Variants in TRPC4AP observed in about 807,000 individuals in gnomAD.
TRPC4AP encodes the protein transient receptor potential cation channel subfamily C member 4 associated protein.
TRPC4AP carries 45 observed loss-of-function variants against 99.0 expected under a neutral mutation model. That is an observed-to-expected ratio of 0.45 (90% CI 0.36 to 0.58). The LOEUF (loss-of-function observed/expected upper bound fraction) is 0.58, where lower values mean the gene tolerates loss of function less well. Among genes scored for constraint, TRPC4AP ranks in the 20% least tolerant of loss-of-function variants. TRPC4AP has a pLI of 0.00. For synonymous variants in TRPC4AP, 408 were observed against 385.8 expected, an observed-to-expected ratio of 1.06 and a Z score of -0.67; for missense variants, 879 against 985.3, an observed-to-expected ratio of 0.89 and a Z score of 1.44.
intron 8 of TRPC4AP, among the ~76,000 whole-genome samples, chr20:35,023,470 GC>G (rs2082942697): frequency 6.6e-6 from 1 of 152,122 alleles, no homozygotes; most frequent in African/African-American, 2.4e-5. Context: ...TCATCTCCAA[GC>G]TTTTAATGGG....
chr20:35,061,628 A>G (rs375644375), intron 3 of TRPC4AP, among the ~76,000 whole-genome samples: 7 of 152,322 alleles, frequency 4.6e-5, no homozygotes, highest in East Asian at 3.9e-4. Context: ...AGTTTTTTCA[A>G]TAAGTGGTGC....
At chr20:35,081,801 C>T (rs2084654142) in intron 1 of TRPC4AP, among the ~76,000 whole-genome samples, 1 of 151,972 alleles carries the variant, frequency 6.6e-6, no homozygotes, top group Admixed American at 6.6e-5. Context: ...GACTGGCCAA[C>T]ATGATGAAAC....
Position 35,003,404 on chromosome 20 carries a change from A to G in TRPC4AP, c.2256+6T>C. 6.2e-7 allele frequency: 1 copy of G among 1,613,840 alleles called. No individual in the cohort carries two copies. Among genetic ancestry groups the G allele is most frequent in the Non-Finnish European group, 8.5e-7 (1 of 1,179,976 alleles). On this transcript the variant is annotated splice_donor_region_variant and intron_variant, in intron 18 of 18. Coordinates refer to ENST00000252015, the MANE Select transcript of TRPC4AP (RefSeq NM_015638.3). ...CCCATCACCCCCTTGAGGGTGGGGC[A>G]CTCACGTTCTCTAGGCAGGTGCTGT...
At chr20:35,008,819 T>C in intron 12 of TRPC4AP, 72 bp from the exon 13 acceptor site, 7 of 1,397,228 alleles carry the variant, frequency 5.0e-6, no homozygotes, top group Non-Finnish European at 7.0e-6. Flanking sequence ...GTCATTCTGC[T>C]GGCTTAGGCG....
intron 3 of TRPC4AP, among the ~76,000 whole-genome samples, chr20:35,068,884 T>G (rs1236413148): frequency 6.6e-6 from 1 of 150,684 alleles, no homozygotes; most frequent in Non-Finnish European, 1.5e-5. Context: ...TGTAGCCGTG[T>G]ATATGGTATA....
intron 1 of TRPC4AP, among the ~76,000 whole-genome samples, chr20:35,091,180 G>A (rs1346769764): frequency 6.6e-6 from 1 of 151,826 alleles, no homozygotes; most frequent in Non-Finnish European, 1.5e-5. Context: ...TGGAGACACA[G>A]GATTTTGCCG....
chr20:35,004,850 C>T (rs1442819834), intron 16 of TRPC4AP, among the ~76,000 whole-genome samples: 2 of 152,286 alleles, frequency 1.3e-5, no homozygotes, highest in African/African-American at 4.8e-5. Context: ...GCTCCAGACC[C>T]GTGCCCTCCA....
Position 35,023,024 on chromosome 20 carries a change from CAA to C in TRPC4AP, c.1052-1670_1052-1669del, listed in dbSNP as rs11475714. On this transcript the variant is annotated intron_variant, in intron 8 of 18. Transcript: ENST00000252015. ...CCTGGGCGACAGAGCTGGACTGTCT[CAA>C]AAAAAAAAAAAAAAGAGAGAATCTA... is the stretch of plus-strand genomic sequence containing the variant. 9.0e-3 allele frequency among the ~76,000 whole-genome samples: 1,219 copies of C among 135,042 alleles called. 5 individuals carry two copies. Among genetic ancestry groups the C allele is most frequent in the African/African-American group, 0.026 (907 of 35,168 alleles). The allele number at this position is 135,042 out of a possible 152,430, so 88.6% of individuals were successfully genotyped here.
intron 2 of TRPC4AP, among the ~76,000 whole-genome samples, chr20:35,076,935 T>C (rs553224372): frequency 2.6e-5 from 4 of 152,258 alleles, no homozygotes; most frequent in Non-Finnish European, 4.4e-5. Flanking sequence ...CCCGGCCGCT[T>C]TGTTTACCTA....
At chr20:35,032,627 C>T (rs2083228096) in intron 8 of TRPC4AP, among the ~76,000 whole-genome samples, 1 of 151,912 alleles carries the variant, frequency 6.6e-6, no homozygotes, top group Non-Finnish European at 1.5e-5. Flanking sequence ...CGCCTGCCAC[C>T]ACGCCCAGCT....
At chr20:35,087,976 G>A (rs529807192) in intron 1 of TRPC4AP, among the ~76,000 whole-genome samples, 5 of 152,204 alleles carry the variant, frequency 3.3e-5, no homozygotes, top group Non-Finnish European at 5.9e-5. Flanking sequence ...CTAAGTTTGA[G>A]ATGCCCATTA....
intron 2 of TRPC4AP, among the ~76,000 whole-genome samples, chr20:35,075,085 C>CTTT (rs201902537): frequency 1.3e-5 from 2 of 148,914 alleles, no homozygotes. Flanking sequence ...GCAACCCCTG[C>CTTT]TTTTTTTTTT....
Position 35,002,987 on chromosome 20 carries a change from G to A in TRPC4AP, c.*159C>T, listed in dbSNP as rs2082425249. On this transcript the variant is annotated 3_prime_UTR_variant, in exon 19 of 19. Coordinates refer to ENST00000252015, the MANE Select transcript of TRPC4AP (RefSeq NM_015638.3). ...GACCTAGGGCCCTCAGACCCAGGGGGACCAAGGGCTTCTAGGACTTCCCTC... is the reference window on the plus strand; with the variant it reads ...GACCTAGGGCCCTCAGACCCAGGGGAACCAAGGGCTTCTAGGACTTCCCTC... The A allele has an allele frequency of 5.0e-6, 5 of 1,006,032 alleles. No individual in the cohort carries two copies. The highest frequency in any genetic ancestry group is 7.2e-6 in the Non-Finnish European group (5 of 692,994). 62.3% of individuals were successfully genotyped at this position (1,006,032 alleles called of 1,614,324 possible).
At chr20:35,043,247 ATT>A (rs1167449495) in intron 7 of TRPC4AP, among the ~76,000 whole-genome samples, 16 of 142,794 alleles carry the variant, frequency 1.1e-4, no homozygotes, top group Admixed American at 1.4e-4. Flanking sequence ...GCAATGAATA[ATT>A]TTTTTTTTTT....
Position 35,025,815 on chromosome 20 carries a change from G to A in TRPC4AP, c.1052-4459C>T, listed in dbSNP as rs187105726. Among the ~76,000 whole-genome samples, 531 of 152,290 alleles carry A rather than the reference G, an allele frequency of 3.5e-3. 18 individuals are homozygous for A. The South Asian group carries it at 0.053, about 15-fold the overall frequency. ...CAATTTATTATTTATCTGGTTGCTT[G>A]TGCTTCAGATGTCATTGTGTATGAC... On this transcript the variant is annotated intron_variant, in intron 8 of 18. Coordinates refer to ENST00000252015, the MANE Select transcript of TRPC4AP (RefSeq NM_015638.3).
chr20:35,016,235 C>T, intron 9 of TRPC4AP, 96 bp from the exon 10 acceptor site: 1 of 1,463,620 alleles, frequency 6.8e-7, no homozygotes, highest in Non-Finnish European at 9.5e-7. Flanking sequence ...ATATTCAGGA[C>T]AAGTATCAGT....
chr20:35,060,488 G>A (rs1448899512), intron 3 of TRPC4AP, among the ~76,000 whole-genome samples: 1 of 150,632 alleles, frequency 6.6e-6, no homozygotes, highest in African/African-American at 2.4e-5. Context: ...CTACTCAGGA[G>A]GCCGAGATAG....
chr20:35,070,061 T>C (rs1457858063), intron 2 of TRPC4AP, among the ~76,000 whole-genome samples: 1 of 151,878 alleles, frequency 6.6e-6, no homozygotes, highest in African/African-American at 2.4e-5. Context: ...AAGAGCAACA[T>C]CCTTAGTTGA....
rs372161833 is a variant in TRPC4AP, at chr20:35,063,738, G to A, written c.414+5558C>T. On this transcript the variant is annotated intron_variant, in intron 3 of 18. Transcript: ENST00000252015. ...TAGCCACGTGTGATGGCATGAACCT[G>A]TAGTCCCAGCTACTCGGGAGACTGA... 6.0e-4 allele frequency among the ~76,000 whole-genome samples: 91 copies of A among 152,184 alleles called. 3 individuals carry two copies. The South Asian group carries it at 0.018, about 31-fold the overall frequency.
Sources: allele counts gnomAD v4.1 joint callset (sites outside exome capture counted in the v4.1 genomes callset), GRCh38; gene constraint gnomAD v4.1.1; transcripts MANE v1.5; gene names NCBI Gene and HGNC (gene_info 2026-07-23, HGNC 2026-07-21).